Variants in SLC35A3 observed in about 807,000 individuals in gnomAD.
SLC35A3 encodes the protein UDP-N-acetylglucosamine transporter.
A neutral mutation model predicts 39.0 loss-of-function variants in SLC35A3; 26 were observed. That is an observed-to-expected ratio of 0.67 (90% CI 0.49 to 0.92). The LOEUF (loss-of-function observed/expected upper bound fraction) is 0.92, where lower values mean the gene tolerates loss of function less well. SLC35A3 is among the 40% of genes least tolerant of loss of function. SLC35A3 has a pLI of 0.00. For missense variants in SLC35A3, 299 were observed against 371.6 expected (o/e 0.80, Z 1.61); for synonymous variants, 135 against 133.1 (o/e 1.01, Z -0.10).
chr1:100,033,426 A>G lies in SLC35A3; in HGVS notation c.*10950A>G, dbSNP rs1213290201. 1 of 151,480 alleles carries G rather than the reference A, an allele frequency of 6.6e-6. No individual in the cohort carries two copies. Among genetic ancestry groups the G allele is most frequent in the African/African-American group, 2.4e-5 (1 of 41,248 alleles). The allele number at this position is 151,480 out of a possible 1,614,324, so 9.4% of individuals were successfully genotyped here. On this transcript the variant is annotated 3_prime_UTR_variant, in exon 8 of 8. Coordinates refer to ENST00000533028, the MANE Select transcript of SLC35A3 (RefSeq NM_012243.3). ...TAATTATTATCCATCTCTTATAAGTAATTATTATAAGTATTTTCTTAGTTT... is the reference window on the plus strand; with the variant it reads ...TAATTATTATCCATCTCTTATAAGTGATTATTATAAGTATTTTCTTAGTTT...
chr1:99,995,081 G>T (rs535343878), intron 2 of SLC35A3, among the ~76,000 whole-genome samples: 167 of 144,860 alleles, frequency 1.2e-3, no homozygotes, highest in Non-Finnish European at 2.0e-3. Flanking sequence ...TTTTTATGGG[G>T]TTTTTTTTTG....
chr1:100,027,331 G>C lies in SLC35A3; in HGVS notation c.*4855G>C. 2.6e-6 allele frequency: 1 copy of C among 391,978 alleles called. No homozygotes were observed. The highest frequency in any genetic ancestry group is 4.5e-6 in the Non-Finnish European group (1 of 222,320). The allele number at this position is 391,978 out of a possible 1,614,324, so 24.3% of individuals were successfully genotyped here. A position where few individuals can be genotyped will look rare whatever the true frequency, so the allele number is the denominator to read the frequency against. On this transcript the variant is annotated 3_prime_UTR_variant, in exon 8 of 8. Transcript: ENST00000533028. ...AGCCAATATGTGGGCATGCACCTGT[G>C]GGGCCAGCTACTCAGGAGGCTGAGG...
At chr1:99,976,351 A>G (rs1275306375) in intron 1 of SLC35A3, among the ~76,000 whole-genome samples, 1 of 152,242 alleles carries the variant, frequency 6.6e-6, no homozygotes, top group African/African-American at 2.4e-5. Flanking sequence ...TAAAAAAACA[A>G]AACTATACAG....
intron 1 of SLC35A3, 160 bp downstream of exon 1, chr1:99,970,322 G>C: frequency 1.8e-6 from 1 of 554,662 alleles, no homozygotes; most frequent in Non-Finnish European, 3.2e-6. Flanking sequence ...CTGAAATACA[G>C]TGCTAGCTAA....
chr1:99,982,980 A>G (rs1657543688), intron 1 of SLC35A3, among the ~76,000 whole-genome samples: 1 of 152,206 alleles, frequency 6.6e-6, no homozygotes, highest in Non-Finnish European at 1.5e-5. Flanking sequence ...AGTACTAGCA[A>G]TGTGATTGCT....
intron 3 of SLC35A3, among the ~76,000 whole-genome samples, chr1:100,005,034 G>T (rs1446716259): frequency 2.0e-5 from 3 of 152,218 alleles, no homozygotes; most frequent in African/African-American, 7.2e-5. Context: ...TGGGATTACA[G>T]GCATGAGCCT....
intron 1 of SLC35A3, among the ~76,000 whole-genome samples, chr1:99,976,919 T>C (rs1657137690): frequency 1.3e-5 from 2 of 152,030 alleles, no homozygotes; most frequent in African/African-American, 4.8e-5. Flanking sequence ...ACAGACAATT[T>C]ACCCATGTAA....
intron 1 of SLC35A3, among the ~76,000 whole-genome samples, chr1:99,984,905 G>A (rs1270068036): frequency 2.6e-5 from 4 of 152,068 alleles, no homozygotes; most frequent in African/African-American, 4.8e-5. Context: ...GTCTGTTCAT[G>A]TCCTTAGCCC....
chr1:99,982,369 G>A (rs1005213309), intron 1 of SLC35A3, among the ~76,000 whole-genome samples: 9 of 152,054 alleles, frequency 5.9e-5, no homozygotes, highest in African/African-American at 1.7e-4. Flanking sequence ...TTAGAACTTG[G>A]TGTAGATCTG....
chr1:100,006,218 G>A (rs1371027758), intron 3 of SLC35A3, among the ~76,000 whole-genome samples: 4 of 152,150 alleles, frequency 2.6e-5, no homozygotes, highest in African/African-American at 9.7e-5. Context: ...GGGTCCAGTG[G>A]TGGCAGTGGT....
At chr1:100,004,566 T>G (rs1450249076) in intron 3 of SLC35A3, among the ~76,000 whole-genome samples, 5 of 152,082 alleles carry the variant, frequency 3.3e-5, no homozygotes, top group Admixed American at 6.5e-5. Context: ...CCTCCCAAAG[T>G]GTGATTACAG....
chr1:99,974,781 A>G (rs1423823819), intron 1 of SLC35A3, among the ~76,000 whole-genome samples: 1 of 152,208 alleles, frequency 6.6e-6, no homozygotes, highest in Non-Finnish European at 1.5e-5. Context: ...ACCTCCTTTT[A>G]CAGATTAAAT....
intron 1 of SLC35A3, chr1:99,979,018 A>G (rs1381815780): frequency 6.6e-6 from 1 of 152,234 alleles, no homozygotes; most frequent in Non-Finnish European, 1.5e-5. Context: ...AGGATGCTAC[A>G]CAAATTCATG....
rs777972647 is a variant in SLC35A3 at position 100,011,479 on chromosome 1, G to C, written c.580G>C (p.Glu194Gln). 1 of 1,569,602 alleles carries C rather than the reference G, an allele frequency of 6.4e-7. No homozygotes were observed. Among genetic ancestry groups the C allele is most frequent in the Non-Finnish European group, 8.7e-7 (1 of 1,149,448 alleles). ...FSSGFAGVYF[E>Q]KILKETKQSV... ...AAGTGGCTTTGCTGGGGTTTACTTTGAGAAAATCTTAAAAGAAACAAAACA... is the reference window on the plus strand; with the variant it reads ...AAGTGGCTTTGCTGGGGTTTACTTTCAGAAAATCTTAAAAGAAACAAAACA... Residue 194 changes from glutamate (E) to glutamine (Q), a missense_variant, in exon 5 of 8, where the codon GAG becomes CAG. Glu to Gln is a conservative substitution (Grantham distance 29). Coordinates refer to ENST00000533028, the MANE Select transcript of SLC35A3 (RefSeq NM_012243.3).
intron 7 of SLC35A3, among the ~76,000 whole-genome samples, chr1:100,021,312 C>T (rs1015014153): frequency 1.7e-4 from 26 of 151,536 alleles, no homozygotes; most frequent in African/African-American, 5.6e-4. Context: ...TGCAGTGAGC[C>T]GAGATCACAC....
intron 7 of SLC35A3, among the ~76,000 whole-genome samples, chr1:100,018,585 A>G (rs922159133): frequency 1.3e-5 from 2 of 152,112 alleles, no homozygotes; most frequent in Non-Finnish European, 2.9e-5. Flanking sequence ...GTTGCAGTGC[A>G]GTGGCGTGAT....
At chr1:99,988,407 C>G (rs1657873688) in intron 1 of SLC35A3, among the ~76,000 whole-genome samples, 1 of 151,712 alleles carries the variant, frequency 6.6e-6, no homozygotes, top group Non-Finnish European at 1.5e-5. Context: ...TATGGATATA[C>G]CACATAGGAT....
Position 99,999,758 on chromosome 1 carries a change from A to G in SLC35A3, c.342+343A>G, listed in dbSNP as rs1027630042. Among the ~76,000 whole-genome samples, 3 of 150,436 alleles carry G rather than the reference A, an allele frequency of 2.0e-5. 1 individual carries two copies. In the South Asian group the frequency reaches 6.3e-4, roughly 32 times the overall value. ...CTCCCCCTGCCCTTGTATCTTTCCCATCCTCTGGTAGCTATCATTCTGCTC... is the reference window on the plus strand; with the variant it reads ...CTCCCCCTGCCCTTGTATCTTTCCCGTCCTCTGGTAGCTATCATTCTGCTC... On this transcript the variant is annotated intron_variant, in intron 3 of 7. Transcript: ENST00000533028.
At chr1:100,015,475 G>T in intron 6 of SLC35A3, 55 bp downstream of exon 6, 2 of 1,536,524 alleles carry the variant, frequency 1.3e-6, no homozygotes, top group Non-Finnish European at 1.7e-6. Context: ...TTAATATAAA[G>T]AATCAAAGTA....
Sources: gnomAD v4.1 joint callset for allele counts (sites outside exome capture counted in the v4.1 genomes callset) on GRCh38, gnomAD v4.1.1 for gene constraint, MANE v1.5 for transcripts, NCBI Gene and HGNC (gene_info 2026-07-23, HGNC 2026-07-21) for gene names.